MTOR: variants seen among roughly 807,000 people sequenced by gnomAD.
MTOR encodes serine/threonine-protein kinase mTOR.
A neutral mutation model predicts 319.8 loss-of-function variants in MTOR; 70 were observed. The observed-to-expected ratio is 0.22, with a 90% CI of 0.18 to 0.27. The LOEUF (loss-of-function observed/expected upper bound fraction) is 0.27, where lower values mean the gene tolerates loss of function less well. MTOR is among the 10% of genes least tolerant of loss of function. The pLI is 1.00. For synonymous variants in MTOR, 1,183 were observed against 1,211.4 expected (o/e 0.98, Z 0.49); for missense variants, 1,890 against 3,274.4 (o/e 0.58, Z 10.32).
intron 31 of MTOR, 98 bp from the exon 32 acceptor site, chr1:11,146,889 G>A (rs1643947923): frequency 1.2e-6 from 1 of 820,594 alleles, no homozygotes; most frequent in African/African-American, 1.7e-5. Flanking sequence ...TTTTCCTTTA[G>A]CTTGGGATAT....
In MTOR at chr1:11,121,357, G is replaced by A; in HGVS notation, c.6822C>T (p.Asp2274=). Residue 2274 remains aspartate, a synonymous_variant, in exon 49 of 58, where the codon GAC becomes GAT. Transcript: ENST00000361445. The surrounding 1 kb of genome is among the most constrained non-coding windows in gnomAD (Gnocchi z 4.9). ...TCTGCATCAGAGTCAAGTGGTCATA[G>A]TCCGGAGCCATCTGCATCAGGACAC... ...EHRIMLRMAP[D]YDHLTLMQKV... is the part of the protein sequence containing the mutation. The A allele has an allele frequency of 6.2e-7, 1 of 1,614,098 alleles. No homozygotes were observed. The highest frequency in any genetic ancestry group is 8.5e-7 in the Non-Finnish European group (1 of 1,180,024).
chr1:11,228,052 A>C (rs188285864), intron 19 of MTOR, among the ~76,000 whole-genome samples: 2 of 152,252 alleles, frequency 1.3e-5, no homozygotes, highest in East Asian at 3.9e-4. Flanking sequence ...TTCACTAAAA[A>C]TGTTACGACT....
At chr1:11,207,580 T>G (rs2982620) in intron 25 of MTOR, among the ~76,000 whole-genome samples, 1 of 139,134 alleles carries the variant, frequency 7.2e-6, no homozygotes, top group South Asian at 2.5e-4. Flanking sequence ...AGCTAATTTT[T>G]AAAATTTTTT....
chr1:11,162,325 G>A (rs1266150822), intron 29 of MTOR, among the ~76,000 whole-genome samples: 6 of 152,192 alleles, frequency 3.9e-5, no homozygotes, highest in African/African-American at 1.2e-4. Flanking sequence ...TGAAAGTGAC[G>A]GGGAGTGAAA....
intron 30 of MTOR, among the ~76,000 whole-genome samples, chr1:11,155,303 T>C (rs181427680): frequency 6.6e-6 from 1 of 152,082 alleles, no homozygotes; most frequent in Non-Finnish European, 1.5e-5. Flanking sequence ...GAGTGCAAAA[T>C]GGTAAAAACA....
At chr1:11,138,240 T>C (rs1240985451) in intron 36 of MTOR, among the ~76,000 whole-genome samples, 2 of 152,224 alleles carry the variant, frequency 1.3e-5, no homozygotes. Context: ...CTCATTTGCC[T>C]GGAGGAGGTC....
At chr1:11,227,356 T>C (rs1456845140) in intron 19 of MTOR, among the ~76,000 whole-genome samples, 3 of 116,624 alleles carry the variant, frequency 2.6e-5, no homozygotes, top group African/African-American at 7.8e-5. Flanking sequence ...ATAAATACAA[T>C]AGAAACAAAT....
In MTOR at chr1:11,137,677, G is replaced by A. The variant is rs373048201; in HGVS notation, c.5130+1627C>T. On this transcript the variant is annotated intron_variant, in intron 36 of 57. Transcript: ENST00000361445. ...TTCTGGTTCTAGATTGCATGGGTGGGTTTGTGGGCAAGAACAATGGCCTTG... is the reference window on the plus strand; with the variant it reads ...TTCTGGTTCTAGATTGCATGGGTGGATTTGTGGGCAAGAACAATGGCCTTG... Among the ~76,000 whole-genome samples, 285 of 152,276 alleles carry A rather than the reference G, an allele frequency of 1.9e-3. 3 individuals are homozygous for A. The highest frequency in any genetic ancestry group is 6.6e-3 in the African/African-American group (275 of 41,546).
intron 28 of MTOR, among the ~76,000 whole-genome samples, chr1:11,174,149 TAA>T (rs1203760586): frequency 6.6e-6 from 1 of 152,014 alleles, no homozygotes; most frequent in Admixed American, 6.6e-5. Flanking sequence ...CATGTTGAGG[TAA>T]AGAGAAAAAA....
At chr1:11,255,637 G>A (rs1345133187) in intron 5 of MTOR, among the ~76,000 whole-genome samples, 1 of 151,944 alleles carries the variant, frequency 6.6e-6, no homozygotes, top group Non-Finnish European at 1.5e-5. Context: ...GATCACCTGA[G>A]GTCAGGAATT....
intron 49 of MTOR, among the ~76,000 whole-genome samples, chr1:11,119,159 C>T (rs567240549): frequency 1.5e-4 from 23 of 152,028 alleles, no homozygotes; most frequent in Non-Finnish European, 2.9e-4. Flanking sequence ...GGCCAGGCAC[C>T]GTGGCTCATG....
intron 28 of MTOR, among the ~76,000 whole-genome samples, chr1:11,186,750 G>A (rs1645333075): frequency 6.6e-6 from 1 of 152,128 alleles, no homozygotes; most frequent in Non-Finnish European, 1.5e-5. Flanking sequence ...CCTTCATTTA[G>A]ATATTCAGAA....
chr1:11,167,871 C>T (rs1644695495), intron 28 of MTOR, among the ~76,000 whole-genome samples: 1 of 152,090 alleles, frequency 6.6e-6, no homozygotes, highest in Non-Finnish European at 1.5e-5. Context: ...AGATCAAGAC[C>T]ATCCTGGCTA....
chr1:11,189,632 C>A, intron 28 of MTOR: 1 of 1,614,038 alleles, frequency 6.2e-7, no homozygotes, highest in Non-Finnish European at 8.5e-7. Context: ...TTCATCGTGG[C>A]CTTTGTCAGC....
chr1:11,228,354 A>C (rs778663006), intron 19 of MTOR, among the ~76,000 whole-genome samples: 1 of 151,832 alleles, frequency 6.6e-6, no homozygotes, highest in Non-Finnish European at 1.5e-5. Flanking sequence ...ACGCATGGCT[A>C]ATTTTTGTAT....
chr1:11,223,592 T>C (rs977567171), intron 19 of MTOR, among the ~76,000 whole-genome samples: 1 of 152,170 alleles, frequency 6.6e-6, no homozygotes, highest in Non-Finnish European at 1.5e-5. Context: ...AATAGTCTAT[T>C]ACAAAATGTT....
chr1:11,252,978 G>A (rs1569827266), intron 6 of MTOR, among the ~76,000 whole-genome samples: 1 of 152,138 alleles, frequency 6.6e-6, no homozygotes, highest in African/African-American at 2.4e-5. Context: ...TTGTGCCAAC[G>A]TCACCCATTG....
At chr1:11,248,231 A>AC in intron 6 of MTOR, 137 bp from the exon 7 acceptor site, 1 of 912,430 alleles carries the variant, frequency 1.1e-6, no homozygotes, top group Non-Finnish European at 1.7e-6. Context: ...GCCACTCTTC[A>AC]TGTTTAGGGT....
In MTOR at chr1:11,164,832, T is replaced by C. The variant is rs184595156; in HGVS notation, c.4329+2610A>G. On this transcript the variant is annotated intron_variant, in intron 29 of 57. Coordinates refer to ENST00000361445, the MANE Select transcript of MTOR (RefSeq NM_004958.4). ...TTTAGACCAATATCCCTGATGAACA[T>C]TGATGCAAAAATCCTCAATAAAATA... Among the ~76,000 whole-genome samples, 414 of 152,308 alleles carry C rather than the reference T, an allele frequency of 2.7e-3. 8 individuals carry two copies. The highest frequency in any genetic ancestry group is 9.2e-3 in the African/African-American group (384 of 41,568).
Sources: allele counts gnomAD v4.1 joint callset (sites outside exome capture counted in the v4.1 genomes callset), GRCh38; gene constraint gnomAD v4.1.1; non-coding constraint Gnocchi (gnomAD v3.1); transcripts MANE v1.5; gene names NCBI Gene and HGNC (gene_info 2026-07-23, HGNC 2026-07-21).